The following TCOF1 variants were observed in gnomAD, a reference collection of about 807,000 sequenced individuals.
The protein encoded by TCOF1 is treacle ribosome biogenesis factor 1.
Under a neutral mutation model 149.0 loss-of-function variants are expected in TCOF1, and 33 were observed. That is an observed-to-expected ratio of 0.22 (90% CI 0.17 to 0.30). TCOF1 has a LOEUF of 0.30. Among genes scored for constraint, TCOF1 ranks in the 10% least tolerant of loss-of-function variants. The pLI, the probability that TCOF1 is intolerant of heterozygous loss-of-function variation, is 1.00. For synonymous variants in TCOF1, 789 were observed against 738.8 expected, an observed-to-expected ratio of 1.07 and a Z score of -1.10; for missense variants, 1,728 against 1,840.7, an observed-to-expected ratio of 0.94 and a Z score of 1.12.
intron 1 of TCOF1, among the ~76,000 whole-genome samples, chr5:150,358,807 A>G (rs1348971619): frequency 6.6e-6 from 1 of 152,204 alleles, no homozygotes; most frequent in African/African-American, 2.4e-5. Context: ...ACTGCACTCC[A>G]GCCTGGGCGA....
rs370130791 is a variant in TCOF1, at chr5:150,388,012, G to A, written c.2970G>A (p.Ser990=). 240 of 1,613,808 alleles carry A rather than the reference G, an allele frequency of 1.5e-4. 1 individual carries two copies. Among genetic ancestry groups the A allele is most frequent in the Admixed American group, 8.8e-4 (53 of 60,018 alleles). Residue 990 remains serine (S), a synonymous_variant, in exon 18 of 27, where the codon TCG becomes TCA. Coordinates refer to ENST00000643257, the MANE Select transcript of TCOF1 (RefSeq NM_001371623.1). ...AASTPRKARA[S]ESTARSSSSE... ...GCACCCCGAGGAAGGCCCGAGCCTC[G>A]GAGAGCACAGCCAGGAGCTCCTCCT...
chr5:150,364,667 A>G (rs1760915173), intron 3 of TCOF1, among the ~76,000 whole-genome samples: 1 of 152,202 alleles, frequency 6.6e-6, no homozygotes, highest in African/African-American at 2.4e-5. Context: ...ATGTTCATTT[A>G]GAATTGTACC....
chr5:150,357,941 C>T (rs1759012894), intron 1 of TCOF1, 87 bp downstream of exon 1: 1 of 1,424,888 alleles, frequency 7.0e-7, no homozygotes, highest in Admixed American at 2.0e-5. Flanking sequence ...CCAGGCGACC[C>T]GGCAGGCGCC....
At position 150,400,072 on chromosome 5, in the gene TCOF1, T is replaced by C. The variant is rs1769461452; in HGVS notation, c.*285T>C. The C allele has an allele frequency of 6.6e-6, 1 of 152,280 alleles. No homozygotes were observed. The highest frequency in any genetic ancestry group is 6.6e-5 in the Admixed American group (1 of 15,256). 9.4% of individuals were successfully genotyped at this position (152,280 alleles called of 1,614,324 possible). ...TGTACAGTATATGTATTTTTTTAAGTGACCTCCTCTCCTTCCACAGACCCC... is the reference window on the plus strand; with the variant it reads ...TGTACAGTATATGTATTTTTTTAAGCGACCTCCTCTCCTTCCACAGACCCC... On this transcript the variant is annotated 3_prime_UTR_variant, in exon 27 of 27. Transcript: ENST00000643257.
intron 3 of TCOF1, among the ~76,000 whole-genome samples, chr5:150,367,162 A>C (rs201035982): frequency 6.6e-6 from 1 of 151,876 alleles, no homozygotes; most frequent in Non-Finnish European, 1.5e-5. Context: ...AAAATTAGCC[A>C]GGCATGGTGG....
chr5:150,376,182 C>G lies in TCOF1; in HGVS notation c.1994C>G (p.Ala665Gly). 7 of 1,613,646 alleles carry G rather than the reference C, an allele frequency of 4.3e-6. No individual in the cohort carries two copies. Among genetic ancestry groups the G allele is most frequent in the Non-Finnish European group, 5.9e-6 (7 of 1,179,504 alleles). Residue 665 changes from alanine to glycine, a missense_variant, in exon 13 of 27, where the codon GCC becomes GGC. Around this residue, in one of 2 missense-constraint regions of TCOF1, gnomAD observed 1,696 missense variants for 1,765.4 expected, o/e 0.96. Transcript: ENST00000643257. ...KVAPVRVGTQ[A>G]PRKAGTATSP... ...GCCCCTGTGCGAGTGGGCACCCAAG[C>G]CCCCCGGAAAGCAGGAACTGCGACT...
intron 3 of TCOF1, 87 bp from the exon 4 acceptor site, chr5:150,367,757 G>A: frequency 6.7e-7 from 1 of 1,494,052 alleles, no homozygotes; most frequent in South Asian, 1.2e-5. Context: ...AATACCAATA[G>A]AATTGTTAGG....
At chr5:150,398,966 C>CA in intron 25 of TCOF1, 56 bp from the exon 26 acceptor site, 1 of 1,613,646 alleles carries the variant, frequency 6.2e-7, no homozygotes, top group South Asian at 1.1e-5. Flanking sequence ...GTGGGGGCAG[C>CA]AGTGGGTGGG....
rs560558914 is a variant in TCOF1, at chr5:150,376,974, G to A, written c.2340+354G>A. On this transcript the variant is annotated intron_variant, in intron 14 of 26. Transcript: ENST00000643257. ...TGGACATGCTCCTGCAGTGTGGAGC[G>A]ATGGGGTTGAGATAGAGGGTGTGAG... 2.2e-4 allele frequency among the ~76,000 whole-genome samples: 33 copies of A among 152,128 alleles called. No homozygotes were observed. The South Asian group carries it at 6.2e-3, about 29-fold the overall frequency.
rs149117118 is a variant in TCOF1, at chr5:150,391,551, A to G, written c.3191A>G (p.Lys1064Arg). 5.3e-5 allele frequency: 85 copies of G among 1,613,966 alleles called. No individual in the cohort carries two copies. In the African/African-American group the frequency reaches 8.7e-4, roughly 16 times the overall value. ...ACCTCTTGCCACCCACAGGTGTCAA[A>G]GAAGAACCCAGCTTCCCTCCCACTG... is the stretch of plus-strand genomic sequence containing the variant. ...KQEGPATQVS[K>R]KNPASLPLTQ... The change falls in exon 20 of 27, where the codon AAG becomes AGG. Residue 1064 changes from lysine (K) to arginine (R), a missense_variant. By Grantham distance (26) the Lys-to-Arg change is conservative. Transcript: ENST00000643257.
In TCOF1 at chr5:150,357,833, A is replaced by C; in HGVS notation, c.87A>C (p.Glu29Asp). The change falls in exon 1 of 27, where the codon GAA becomes GAC. Residue 29 changes from glutamate (E) to aspartate (D), a missense_variant. Glu to Asp is a conservative substitution (Grantham distance 45). Transcript: ENST00000643257. ...LRAGYVRAAR[E>D]VKEQSGQKCF... Reference sequence around the variant, plus strand: ...CTGGCTATGTGCGTGCGGCGCGGGAAGTGAAGGAGCAGAGCGGCCAGGTAA... The same window carrying C: ...CTGGCTATGTGCGTGCGGCGCGGGACGTGAAGGAGCAGAGCGGCCAGGTAA... 2 of 1,549,622 alleles carry C rather than the reference A, an allele frequency of 1.3e-6. No homozygotes were observed. The highest frequency in any genetic ancestry group is 1.7e-6 in the Non-Finnish European group (2 of 1,146,440).
intron 1 of TCOF1, among the ~76,000 whole-genome samples, chr5:150,358,811 T>C (rs1323016659): frequency 6.6e-6 from 1 of 151,988 alleles, no homozygotes. Flanking sequence ...CACTCCAGCC[T>C]GGGCGATAAA....
chr5:150,383,004 C>T, intron 17 of TCOF1: 5 of 1,371,948 alleles, frequency 3.6e-6, no homozygotes, highest in Non-Finnish European at 4.9e-6. Context: ...TGGCTGTTTC[C>T]CCCTCAGCAA....
rs1761924962 is a variant in TCOF1 at position 150,368,829 on chromosome 5, A to C, written c.492A>C (p.Ser164=). 1 of 1,613,954 alleles carries C rather than the reference A, an allele frequency of 6.2e-7. No individual in the cohort carries two copies. Among genetic ancestry groups the C allele is most frequent in the Admixed American group, 1.7e-5 (1 of 60,006 alleles). ...CTCCCAGGAAGTCAGCAGAGCCCTCAGCAAATACTACGTTGGTCTCAGAAA... is the reference window on the plus strand; with the variant it reads ...CTCCCAGGAAGTCAGCAGAGCCCTCCGCAAATACTACGTTGGTCTCAGAAA... ...GKSPRKSAEP[S]ANTTLVSETE... Residue 164 remains serine (S), a synonymous_variant, in exon 5 of 27, where the codon TCA becomes TCC. Transcript: ENST00000643257.
In TCOF1 at chr5:150,379,271, G is replaced by A; in HGVS notation, c.2521G>A (p.Ala841Thr). The stretch of plus-strand genomic sequence containing the variant: ...AAACCCCCAGAACAGTACCGTCTTG[G>A]CGAGGGGCCCAGCATCTGTGCCATC... Reference protein sequence around the residue: ...VRNPQNSTVLARGPASVPSVG... With the variant: ...VRNPQNSTVLTRGPASVPSVG... The change falls in exon 16 of 27, where the codon GCG (alanine) becomes ACG (threonine). Residue 841 changes from alanine (A) to threonine (T), a missense_variant. Coordinates refer to ENST00000643257, the MANE Select transcript of TCOF1 (RefSeq NM_001371623.1). The A allele has an allele frequency of 6.2e-7, 1 of 1,614,222 alleles. No homozygotes were observed. Among genetic ancestry groups the A allele is most frequent in the Non-Finnish European group, 8.5e-7 (1 of 1,180,040 alleles).
At position 150,392,226 on chromosome 5, in the gene TCOF1, G is replaced by T. The variant is rs766679475; in HGVS notation, c.3517+50G>T. Reference sequence around the variant, plus strand: ...GGGTGGGCCAGGAAGAGGGTGTTGTGTGGCCTGGTGGAGCCATAGCTCTGG... The same window carrying T: ...GGGTGGGCCAGGAAGAGGGTGTTGTTTGGCCTGGTGGAGCCATAGCTCTGG... On this transcript the variant is annotated intron_variant, in intron 21 of 26. Transcript: ENST00000643257. The T allele has an allele frequency of 1.9e-5, 30 of 1,584,144 alleles. No individual in the cohort carries two copies. The East Asian group carries it at 6.7e-4, about 36-fold the overall frequency.
rs778103262 is a variant in TCOF1, at chr5:150,376,435, G to A, written c.2155G>A (p.Gly719Arg). ...AVTVGQAKSV[G>R]KGLQVKAASV... ...CTTGTCATCCCAGGCAAAGTCTGTG[G>A]GGAAAGGCCTCCAGGTGAAAGCAGC... Residue 719 changes from glycine to arginine, a missense_variant, in exon 14 of 27, where the codon GGG becomes AGG. Transcript: ENST00000643257. 1 of 1,614,212 alleles carries A rather than the reference G, an allele frequency of 6.2e-7. No individual in the cohort carries two copies. Among genetic ancestry groups the A allele is most frequent in the Non-Finnish European group, 8.5e-7 (1 of 1,180,032 alleles).
rs750978663 is a variant in TCOF1, at chr5:150,369,596, C to G, written c.633C>G (p.Asp211Glu). ...EDTSSSSDET[D>E]VEGKPSVKPA... The stretch of plus-strand genomic sequence containing the variant: ...CCTCCAGCTCCAGTGATGAGACAGA[C>G]GTGGAGGTAATTGCCACCCATCCCT... The change falls in exon 6 of 27, where the codon GAC becomes GAG. Residue 211 changes from aspartate (D) to glutamate (E), a missense_variant. Physicochemically the swap from Asp to Glu is conservative, Grantham distance 45. Transcript: ENST00000643257. 1.2e-6 allele frequency: 2 copies of G among 1,613,982 alleles called. No homozygotes were observed. Among genetic ancestry groups the G allele is most frequent in the Admixed American group, 1.7e-5 (1 of 60,006 alleles).
chr5:150,376,012 G>C (rs1581120526), intron 12 of TCOF1, 70 bp from the exon 13 acceptor site: 1 of 1,613,376 alleles, frequency 6.2e-7, no homozygotes, highest in African/African-American at 1.3e-5. Context: ...GGTTTTGGCT[G>C]GTGGGGCAGA....
Sources: allele counts gnomAD v4.1 joint callset (sites outside exome capture counted in the v4.1 genomes callset), GRCh38; gene constraint gnomAD v4.1.1; regional missense constraint gnomAD v4.1.1; transcripts MANE v1.5; gene names NCBI Gene and HGNC (gene_info 2026-07-23, HGNC 2026-07-21).